PCAT7: variants seen among roughly 807,000 people sequenced by gnomAD.
PCAT7 encodes prostate cancer associated transcript 7.
At chr9:94,562,641 C>G (rs1280856842) in intron 2 of PCAT7, among the ~76,000 whole-genome samples, 2 of 152,056 alleles carry the variant, frequency 1.3e-5, no homozygotes, top group Non-Finnish European at 2.9e-5. Flanking sequence ...AAAACAGAGG[C>G]CTTTATTTGA....
At chr9:94,561,308 C>G (rs1827095706) in intron 2 of PCAT7, among the ~76,000 whole-genome samples, 1 of 146,910 alleles carries the variant, frequency 6.8e-6, no homozygotes, top group Non-Finnish European at 1.5e-5. Flanking sequence ...ATGCCCAGGG[C>G]TTCATGGCAC....
intron 2 of PCAT7, among the ~76,000 whole-genome samples, chr9:94,564,658 G>C (rs10821369): frequency 2.0e-5 from 3 of 151,772 alleles, no homozygotes; most frequent in Non-Finnish European, 4.4e-5. Context: ...TGGGGCCTAC[G>C]TGAGGGTGGA....
chr9:94,566,217 A>C (rs1261921201), intron 2 of PCAT7, among the ~76,000 whole-genome samples: 1 of 152,226 alleles, frequency 6.6e-6, no homozygotes, highest in Non-Finnish European at 1.5e-5. Flanking sequence ...AAACCTGGCC[A>C]TAAACTGGCC....
chr9:94,559,914 G>A (rs1827069622), intron 2 of PCAT7, among the ~76,000 whole-genome samples: 1 of 152,142 alleles, frequency 6.6e-6, no homozygotes, highest in Non-Finnish European at 1.5e-5. Context: ...GATCGCTTGA[G>A]TCCAGGCATT....
At chr9:94,562,050 A>G (rs150730086) in intron 2 of PCAT7, among the ~76,000 whole-genome samples, 4,054 of 152,142 alleles carry the variant, frequency 0.027, 164 homozygotes, top group African/African-American at 0.089. Context: ...TGTGACTCAT[A>G]CCTGTAATCC....
chr9:94,566,822 T>G (rs563640891), intron 2 of PCAT7, among the ~76,000 whole-genome samples: 13 of 152,226 alleles, frequency 8.5e-5, no homozygotes, highest in Non-Finnish European at 1.3e-4. Flanking sequence ...TTGATGGAGC[T>G]TATGTTGAGA....
chr9:94,554,822 C>T (rs550189218), upstream of PCAT7, among the ~76,000 whole-genome samples: 3 of 152,294 alleles, frequency 2.0e-5, no homozygotes, highest in African/African-American at 4.8e-5. Context: ...CGAAAAGTGA[C>T]GGAGCCTTCC....
rs534064114 is a variant in PCAT7 at position 94,558,462 on chromosome 9, T to C, written n.258-507T>C. ...GGCGCCCGCCACCACGCCCGGCTAATTTTTGTATTTTTAGTAGAGATGGGG... is the reference window on the plus strand; with the variant it reads ...GGCGCCCGCCACCACGCCCGGCTAACTTTTGTATTTTTAGTAGAGATGGGG... On this transcript the variant is annotated intron_variant and non_coding_transcript_variant, in intron 1 of 8. Transcript: ENST00000647389. Among the ~76,000 whole-genome samples, 3 of 152,124 alleles carry C rather than the reference T, an allele frequency of 2.0e-5. No homozygotes were observed. In the South Asian group the frequency reaches 6.2e-4, roughly 32 times the overall value.
At chr9:94,561,355 T>C in intron 2 of PCAT7, among the ~76,000 whole-genome samples, 3 of 62,548 alleles carry the variant, frequency 4.8e-5, no homozygotes, top group South Asian at 1.9e-3. Flanking sequence ...GACCTGTATT[T>C]TTTTTTTTTT....
At chr9:94,561,245 G>A (rs570327127) in intron 2 of PCAT7, among the ~76,000 whole-genome samples, 3 of 151,334 alleles carry the variant, frequency 2.0e-5, no homozygotes, top group Admixed American at 1.3e-4. Context: ...TTGGAGCCAA[G>A]TTACTTTTGT....
intron 2 of PCAT7, among the ~76,000 whole-genome samples, chr9:94,566,315 C>T (rs764247357): frequency 3.9e-5 from 6 of 152,092 alleles, no homozygotes; most frequent in African/African-American, 9.7e-5. Context: ...TTGGGTTTAC[C>T]GGAATGAGGG....
At chr9:94,572,433 G>A (rs1457255932) in intron 2 of PCAT7, among the ~76,000 whole-genome samples, 1 of 152,196 alleles carries the variant, frequency 6.6e-6, no homozygotes, top group African/African-American at 2.4e-5. Flanking sequence ...CTGGAGTACA[G>A]CATTGTTGTG....
intron 1 of PCAT7, among the ~76,000 whole-genome samples, chr9:94,557,408 G>A (rs1827027306): frequency 6.6e-6 from 1 of 152,158 alleles, no homozygotes; most frequent in Admixed American, 6.5e-5. Context: ...TATGTTTTAT[G>A]AAGTTTTCAT....
At position 94,560,421 on chromosome 9, in the gene PCAT7, C is replaced by T. The variant is rs145180108; in HGVS notation, n.441+1269C>T. 3.4e-3 allele frequency among the ~76,000 whole-genome samples: 525 copies of T among 152,276 alleles called. 7 individuals carry two copies. Among genetic ancestry groups the T allele is most frequent in the African/African-American group, 0.011 (448 of 41,558 alleles). ...GTCATGACGCCCCCAGCCTGACTCACAACACACACCCCCATCACCTTAGAT... is the reference window on the plus strand; with the variant it reads ...GTCATGACGCCCCCAGCCTGACTCATAACACACACCCCCATCACCTTAGAT... On this transcript the variant is annotated intron_variant and non_coding_transcript_variant, in intron 2 of 8. Coordinates refer to ENST00000647389, the Ensembl canonical transcript of PCAT7.
intron 2 of PCAT7, chr9:94,568,549 T>G (rs774862122): frequency 1.3e-5 from 2 of 151,984 alleles, no homozygotes; most frequent in Non-Finnish European, 2.9e-5. Flanking sequence ...AGTGAAAAAC[T>G]CCAAAATGAC....
At chr9:94,559,080 C>T in exon 2 of PCAT7, 1 of 1,614,086 alleles carries the variant, frequency 6.2e-7, no homozygotes. Flanking sequence ...CGCCAAGCCT[C>T]CTGCCTGCTC....
chr9:94,556,594 C>T (rs1827016035), intron 1 of PCAT7, among the ~76,000 whole-genome samples: 2 of 152,146 alleles, frequency 1.3e-5, no homozygotes, highest in African/African-American at 2.4e-5. Context: ...TGTGTATTAA[C>T]CTCTTGCCTG....
At position 94,571,860 on chromosome 9, in the gene PCAT7, C is replaced by T. The variant is rs553145699; in HGVS notation, n.442-1119C>T. 4.1e-4 allele frequency among the ~76,000 whole-genome samples: 62 copies of T among 152,296 alleles called. No individual in the cohort carries two copies. In the South Asian group the frequency reaches 0.013, roughly 31 times the overall value. On this transcript the variant is annotated intron_variant and non_coding_transcript_variant, in intron 2 of 8. Coordinates refer to ENST00000647389, the Ensembl canonical transcript of PCAT7. ...TGTCTGTAGCCTGACAAGAAAAGCA[C>T]TCCCAGATGCTAAAACCGTAGCCCC...
chr9:94,554,852 G>A (rs73523192), upstream of PCAT7, among the ~76,000 whole-genome samples: 992 of 152,288 alleles, frequency 6.5e-3, 11 homozygotes, highest in African/African-American at 0.022. Context: ...AGCCGGGTAC[G>A]TAGTAGCTCC....
Sources: allele counts gnomAD v4.1 joint callset (sites outside exome capture counted in the v4.1 genomes callset), GRCh38; gene constraint gnomAD v4.1.1; transcripts MANE v1.5; gene names NCBI Gene and HGNC (gene_info 2026-07-23, HGNC 2026-07-21).